The following SEMA6D variants were observed in gnomAD, a reference collection of about 807,000 sequenced individuals.
The protein encoded by SEMA6D is semaphorin 6D, also known as semaphorin-6D.
Under a neutral mutation model 106.6 loss-of-function variants are expected in SEMA6D, and 35 were observed. The observed-to-expected ratio is 0.33, with a 90% CI of 0.25 to 0.44. The LOEUF (loss-of-function observed/expected upper bound fraction) is 0.44. SEMA6D is among the 20% of genes least tolerant of loss of function. The pLI is 1.00. For missense variants in SEMA6D, 1,185 were observed against 1,345.9 expected, an observed-to-expected ratio of 0.88 and a Z score of 1.87; for synonymous variants, 499 against 487.7, an observed-to-expected ratio of 1.02 and a Z score of -0.31.
At chr15:47,412,353 A>G (rs2140306778) in intron 1 of SEMA6D, 1 of 152,744 alleles carries the variant, frequency 6.5e-6, no homozygotes, top group Non-Finnish European at 1.5e-5. Flanking sequence ...ATCATCCATC[A>G]GGCTCTGTTT....
chr15:47,403,642 C>T (rs896792648), intron 1 of SEMA6D, among the ~76,000 whole-genome samples: 20 of 152,104 alleles, frequency 1.3e-4, no homozygotes, highest in African/African-American at 3.9e-4. Context: ...TAACTGCACT[C>T]GAGTTTGTCT....
chr15:47,263,589 A>C (rs183353717), intron 1 of SEMA6D, among the ~76,000 whole-genome samples: 8 of 152,172 alleles, frequency 5.3e-5, no homozygotes, highest in Admixed American at 4.6e-4. Flanking sequence ...GCACGTATAC[A>C]CTGCTGGTGA....
At chr15:47,589,738 T>C (rs1223268042) in intron 3 of SEMA6D, among the ~76,000 whole-genome samples, 4 of 152,228 alleles carry the variant, frequency 2.6e-5, no homozygotes, top group Non-Finnish European at 5.9e-5. Context: ...ACTCATCCAC[T>C]GGATTGAACA....
intron 4 of SEMA6D, among the ~76,000 whole-genome samples, chr15:47,672,999 A>G (rs1240531071): frequency 2.6e-5 from 4 of 152,146 alleles, no homozygotes; most frequent in African/African-American, 9.7e-5. Context: ...CTACGGCAGA[A>G]AGATCCTTCA....
chr15:47,247,439 A>G (rs1350536549), intron 1 of SEMA6D, among the ~76,000 whole-genome samples: 1 of 152,212 alleles, frequency 6.6e-6, no homozygotes, highest in Non-Finnish European at 1.5e-5. Context: ...GTGAAAAAAA[A>G]AACTGTCATC....
At chr15:47,342,469 A>T (rs2037857134) in intron 1 of SEMA6D, among the ~76,000 whole-genome samples, 1 of 152,224 alleles carries the variant, frequency 6.6e-6, no homozygotes. Flanking sequence ...TAAGTTCTGC[A>T]AATCTGTCTT....
intron 4 of SEMA6D, among the ~76,000 whole-genome samples, chr15:47,691,787 C>T (rs2078591809): frequency 6.6e-6 from 1 of 151,788 alleles, no homozygotes. Context: ...CACCATATGC[C>T]AGGTGCTGGT....
intron 1 of SEMA6D, chr15:47,339,265 C>T (rs2144405276): frequency 6.6e-6 from 1 of 152,342 alleles, no homozygotes; most frequent in East Asian, 1.9e-4. Context: ...CTAATGGGGT[C>T]ATGGGAAGCC....
chr15:47,519,170 A>G (rs1395809280), intron 3 of SEMA6D, among the ~76,000 whole-genome samples: 7 of 152,262 alleles, frequency 4.6e-5, no homozygotes, highest in South Asian at 2.1e-4. Flanking sequence ...TAATAAATAC[A>G]TAAACCAGAA....
At chr15:47,709,076 T>A (rs910064036) in intron 4 of SEMA6D, among the ~76,000 whole-genome samples, 11 of 152,140 alleles carry the variant, frequency 7.2e-5, no homozygotes, top group Non-Finnish European at 1.6e-4. Flanking sequence ...TCAAGTGAGG[T>A]TGAACCAATG....
At chr15:47,633,821 C>T (rs1427136211) in intron 4 of SEMA6D, among the ~76,000 whole-genome samples, 1 of 152,096 alleles carries the variant, frequency 6.6e-6, no homozygotes, top group Non-Finnish European at 1.5e-5. Flanking sequence ...TTTTTCAGTG[C>T]ATTTTCTCTC....
intron 1 of SEMA6D, among the ~76,000 whole-genome samples, chr15:47,245,661 A>G (rs1430037887): frequency 6.6e-6 from 1 of 152,214 alleles, no homozygotes; most frequent in Non-Finnish European, 1.5e-5. Flanking sequence ...TGAACCTGCC[A>G]ATTTTCTGCA....
At chr15:47,425,103 C>T (rs2041288033) in intron 2 of SEMA6D, among the ~76,000 whole-genome samples, 2 of 152,036 alleles carry the variant, frequency 1.3e-5, no homozygotes, top group Admixed American at 1.3e-4. Context: ...CAGGCCATCT[C>T]CCGGAGCTTC....
At chr15:47,439,346 G>T (rs532306005) in intron 2 of SEMA6D, among the ~76,000 whole-genome samples, 2 of 152,180 alleles carry the variant, frequency 1.3e-5, no homozygotes, top group East Asian at 1.9e-4. Context: ...TACAGTCTCC[G>T]TATTTATACA....
chr15:47,337,131 T>C (rs566921338), intron 1 of SEMA6D, among the ~76,000 whole-genome samples: 3 of 152,208 alleles, frequency 2.0e-5, no homozygotes, highest in African/African-American at 7.2e-5. Context: ...AGAAGAACCC[T>C]AGTCCAGTTT....
At chr15:47,432,106 A>C (rs1174214578) in intron 2 of SEMA6D, among the ~76,000 whole-genome samples, 1 of 152,072 alleles carries the variant, frequency 6.6e-6, no homozygotes, top group Non-Finnish European at 1.5e-5. Flanking sequence ...TTAAGAGGAG[A>C]GCTATGTGTT....
At chr15:47,201,039 A>G (rs1309481435) in intron 1 of SEMA6D, among the ~76,000 whole-genome samples, 1 of 152,160 alleles carries the variant, frequency 6.6e-6, no homozygotes, top group Non-Finnish European at 1.5e-5. Flanking sequence ...GTCTTTTTAG[A>G]GCTAAGGGAA....
At chr15:47,453,069 A>G (rs111513358) in intron 2 of SEMA6D, among the ~76,000 whole-genome samples, 2 of 151,940 alleles carry the variant, frequency 1.3e-5, no homozygotes, top group Non-Finnish European at 2.9e-5. Flanking sequence ...CAGAATCACT[A>G]TCACTTCCTG....
intron 1 of SEMA6D, among the ~76,000 whole-genome samples, chr15:47,284,974 A>G (rs1858217728): frequency 6.6e-6 from 1 of 152,220 alleles, no homozygotes; most frequent in Admixed American, 6.5e-5. Context: ...AATTCACGTC[A>G]GCTCTGCCTC....
Sources: allele counts gnomAD v4.1 joint callset (sites outside exome capture counted in the v4.1 genomes callset), GRCh38; gene constraint gnomAD v4.1.1; transcripts MANE v1.5; gene names NCBI Gene and HGNC (gene_info 2026-07-23, HGNC 2026-07-21).